PYROXD1: variants seen among roughly 807,000 people sequenced by gnomAD.
PYROXD1 encodes the protein tRNA ligase complex-associated NAD(P)H dehydrogenase PYROXD1.
PYROXD1 carries 42 observed loss-of-function variants against 62.0 expected under a neutral mutation model. That is an observed-to-expected ratio of 0.68 (90% CI 0.53 to 0.88). The LOEUF is 0.88. PYROXD1 is among the 40% of genes least tolerant of loss of function. The pLI is 0.00. For missense variants in PYROXD1, 493 were observed against 604.8 expected, an observed-to-expected ratio of 0.82 and a Z score of 1.94; for synonymous variants, 170 against 206.4, an observed-to-expected ratio of 0.82 and a Z score of 1.51.
intron 3 of PYROXD1, among the ~76,000 whole-genome samples, chr12:21,446,666 C>T (rs1254552792): frequency 1.3e-5 from 2 of 152,124 alleles, no homozygotes; most frequent in African/African-American, 4.8e-5. Flanking sequence ...ATCCCCAGCA[C>T]TTTGTGAGGC....
intron 1 of PYROXD1, 31 bp from the exon 2 acceptor site, chr12:21,440,337 C>T (rs112178952): frequency 2.3e-6 from 3 of 1,322,728 alleles, no homozygotes; most frequent in East Asian, 2.3e-5. Flanking sequence ...GTAATTTGTC[C>T]TAATTTTTTT....
chr12:21,444,140 CG>C (rs1451238729), intron 2 of PYROXD1, among the ~76,000 whole-genome samples: 2 of 152,092 alleles, frequency 1.3e-5, no homozygotes, highest in Non-Finnish European at 2.9e-5. Context: ...ATTTACTGGT[CG>C]GGTAGCCTTG....
intron 10 of PYROXD1, among the ~76,000 whole-genome samples, chr12:21,467,084 G>A (rs967444657): frequency 6.6e-6 from 1 of 152,040 alleles, no homozygotes; most frequent in Non-Finnish European, 1.5e-5. Flanking sequence ...CTTAAGTAGT[G>A]CATAAAAATG....
intron 4 of PYROXD1, 118 bp downstream of exon 4, chr12:21,449,809 G>A: frequency 1.3e-6 from 1 of 793,244 alleles, no homozygotes; most frequent in Non-Finnish European, 2.0e-6. Flanking sequence ...TTTGTTTCAT[G>A]ACCAGTAAAC....
intron 10 of PYROXD1, among the ~76,000 whole-genome samples, chr12:21,466,032 G>C (rs951010930): frequency 5.3e-5 from 8 of 152,118 alleles, no homozygotes; most frequent in Non-Finnish European, 8.8e-5. Flanking sequence ...CTATATCTCT[G>C]TTTTGGTACC....
intron 8 of PYROXD1, 81 bp from the exon 9 acceptor site, chr12:21,461,927 G>A: frequency 1.5e-6 from 1 of 688,720 alleles, no homozygotes; most frequent in South Asian, 2.3e-5. Context: ...TTTGTTTCTA[G>A]TCATTGTAGT....
chr12:21,442,620 G>T (rs1473222775), intron 2 of PYROXD1, among the ~76,000 whole-genome samples: 3 of 131,516 alleles, frequency 2.3e-5, no homozygotes, highest in East Asian at 3.9e-4. Flanking sequence ...CCTGGGGTTG[G>T]AACACTCACA....
intron 5 of PYROXD1, among the ~76,000 whole-genome samples, chr12:21,453,971 C>G (rs889548117): frequency 6.6e-6 from 1 of 151,826 alleles, no homozygotes; most frequent in East Asian, 1.9e-4. Flanking sequence ...GTCAGTAATG[C>G]TATATGACCA....
chr12:21,467,762 A>G lies in PYROXD1; in HGVS notation c.1254+144A>G, dbSNP rs1029099050. 3.8e-5 allele frequency: 24 copies of G among 623,616 alleles called. No individual in the cohort carries two copies. The African/African-American group carries it at 4.5e-4, about 12-fold the overall frequency. 38.6% of individuals were successfully genotyped at this position (623,616 alleles called of 1,614,324 possible). A position where few individuals can be genotyped will look rare whatever the true frequency, so the allele number is the denominator to read the frequency against. ...GACATTTTTCATTTCTTACAAACCA[A>G]TACCTGGTATTATTGCTAGTCTTAA... is the stretch of plus-strand genomic sequence containing the variant. On this transcript the variant is annotated intron_variant, in intron 11 of 11. Transcript: ENST00000240651.
At chr12:21,449,927 G>T (rs149136683) in intron 4 of PYROXD1, among the ~76,000 whole-genome samples, 1 of 150,036 alleles carries the variant, frequency 6.7e-6, no homozygotes, top group South Asian at 2.1e-4. Context: ...GCGCAGTCTC[G>T]GCTCACTGCA....
At chr12:21,460,391 T>A (rs1006246627) in intron 7 of PYROXD1, among the ~76,000 whole-genome samples, 8 of 151,250 alleles carry the variant, frequency 5.3e-5, no homozygotes, top group Non-Finnish European at 1.0e-4. Flanking sequence ...TGTCATTTTT[T>A]AAATTTTTAT....
chr12:21,441,742 C>CTTTG (rs763446827), intron 2 of PYROXD1, among the ~76,000 whole-genome samples: 2 of 109,796 alleles, frequency 1.8e-5, no homozygotes, highest in Non-Finnish European at 4.0e-5. Context: ...ATTTTGAATT[C>CTTTG]TTAGGCAGTT....
At chr12:21,462,708 A>T in intron 9 of PYROXD1, 32 bp from the exon 10 acceptor site, 2 of 1,607,274 alleles carry the variant, frequency 1.2e-6, no homozygotes, top group South Asian at 1.1e-5. Flanking sequence ...CATTTTTCTT[A>T]ACACTTAACG....
At chr12:21,445,326 T>C (rs779570508) in intron 2 of PYROXD1, 21 bp from the exon 3 acceptor site, 8 of 1,531,396 alleles carry the variant, frequency 5.2e-6, no homozygotes, top group African/African-American at 1.4e-5. Flanking sequence ...TATACATTTT[T>C]AATCTCTTGG....
At chr12:21,439,761 G>A (rs1942260024) in intron 1 of PYROXD1, among the ~76,000 whole-genome samples, 1 of 152,166 alleles carries the variant, frequency 6.6e-6, no homozygotes, top group Non-Finnish European at 1.5e-5. Context: ...GGTACAGAGT[G>A]AAGAAGACCG....
intron 11 of PYROXD1, 140 bp downstream of exon 11, chr12:21,467,758 A>G (rs546125587): frequency 8.6e-5 from 55 of 640,476 alleles, no homozygotes; most frequent in Admixed American, 4.1e-4. Flanking sequence ...TTTCTTACAA[A>G]CCAATACCTG....
intron 4 of PYROXD1, 101 bp from the exon 5 acceptor site, chr12:21,451,980 C>A: frequency 1.4e-6 from 1 of 729,984 alleles, no homozygotes; most frequent in Non-Finnish European, 2.2e-6. Flanking sequence ...TTTACAAATT[C>A]AATAAAATAT....
rs754487125 is a variant in PYROXD1 at position 21,461,156 on chromosome 12, C to T, written c.880+2C>T. The T allele has an allele frequency of 4.0e-5, 60 of 1,497,852 alleles. No individual in the cohort carries two copies. The highest frequency in any genetic ancestry group is 5.1e-5 in the Non-Finnish European group (57 of 1,124,402). The allele number at this position is 1,497,852 out of a possible 1,614,324, so 92.8% of individuals were successfully genotyped here. A position where few individuals can be genotyped will look rare whatever the true frequency, so the allele number is the denominator to read the frequency against. ...ATAAGTCAGTTACAGCTGATACAGGCAAGTAATGAAATAAGAAAAAATATA... is the reference window on the plus strand; with the variant it reads ...ATAAGTCAGTTACAGCTGATACAGGTAAGTAATGAAATAAGAAAAAATATA... On this transcript the variant is annotated splice_donor_variant, in intron 8 of 11. Coordinates refer to ENST00000240651, the MANE Select transcript of PYROXD1 (RefSeq NM_024854.5). LOFTEE classifies it low-confidence loss of function (GC_TO_GT_DONOR).
At chr12:21,463,250 TTTAC>T (rs1464691406) in intron 10 of PYROXD1, among the ~76,000 whole-genome samples, 38 of 152,314 alleles carry the variant, frequency 2.5e-4, no homozygotes, top group African/African-American at 1.4e-4. Context: ...CTGAATTATT[TTTAC>T]TTACTTCTCA....
Sources: gnomAD v4.1 joint callset for allele counts (sites outside exome capture counted in the v4.1 genomes callset) on GRCh38, gnomAD v4.1.1 for gene constraint, MANE v1.5 for transcripts, NCBI Gene and HGNC (gene_info 2026-07-23, HGNC 2026-07-21) for gene names.